Variants in MAPK10 observed in about 807,000 individuals in gnomAD.
MAPK10 encodes the protein JNK3 alpha protein kinase.
Under a neutral mutation model 59.3 loss-of-function variants are expected in MAPK10, and 25 were observed. The ratio of observed to expected loss-of-function variants is 0.42; its 90% confidence interval spans 0.31 to 0.59. The LOEUF is 0.59. Ranked by LOEUF, MAPK10 falls within the 20% of genes least tolerant of loss-of-function variation. The pLI is 0.15. For missense variants in MAPK10, 351 were observed against 568.9 expected (o/e 0.62, Z 3.90); for synonymous variants, 190 against 200.5 (o/e 0.95, Z 0.44).
At chr4:86,523,194 C>T (rs989023755) in intron 1 of MAPK10, among the ~76,000 whole-genome samples, 1 of 151,728 alleles carries the variant, frequency 6.6e-6, no homozygotes, top group Non-Finnish European at 1.5e-5. Flanking sequence ...TCAATATTCA[C>T]TCTTTCATTC....
Position 86,359,732 on chromosome 4 carries a change from A to T in MAPK10, c.-196T>A. 2 of 985,804 alleles carry T rather than the reference A, an allele frequency of 2.0e-6. No individual in the cohort carries two copies. The highest frequency in any genetic ancestry group is 9.4e-5 in the South Asian group (2 of 21,280). The allele number at this position is 985,804 out of a possible 1,614,324, so 61.1% of individuals were successfully genotyped here. On this transcript the variant is annotated 5_prime_UTR_variant, in exon 1 of 14. The change creates a premature stop within an existing upstream ORF in the 5' untranslated region. Transcript: ENST00000641462. ...AAATCCTCCCTACTTGTTTTTCATT[A>T]ACCACATTCCAGACTAACATGGAAG...
chr4:86,303,699 A>G (rs114978305), intron 2 of MAPK10, among the ~76,000 whole-genome samples: 1,524 of 152,324 alleles, frequency 0.01, 15 homozygotes, highest in African/African-American at 0.027. Flanking sequence ...ACTAAAAAAT[A>G]ATTTTCAAAA....
chr4:86,084,363 C>G (rs1240092093), intron 9 of MAPK10, among the ~76,000 whole-genome samples: 1 of 152,146 alleles, frequency 6.6e-6, no homozygotes, highest in African/African-American at 2.4e-5. Flanking sequence ...AAAGCAAAGA[C>G]TCCATCAAAA....
At chr4:86,080,077 A>C (rs569149693) in intron 9 of MAPK10, 2 of 152,082 alleles carry the variant, frequency 1.3e-5, no homozygotes, top group South Asian at 2.1e-4. Context: ...TACCCAGTAC[A>C]TAGTAGGTAC....
At chr4:86,350,154 C>A (rs896804051) in intron 2 of MAPK10, among the ~76,000 whole-genome samples, 1 of 151,196 alleles carries the variant, frequency 6.6e-6, no homozygotes, top group African/African-American at 2.4e-5. Flanking sequence ...CAGGTTCAAG[C>A]GATTCTCCTG....
chr4:86,150,462 A>G (rs1194227497), intron 4 of MAPK10, among the ~76,000 whole-genome samples: 3 of 152,214 alleles, frequency 2.0e-5, no homozygotes, highest in Non-Finnish European at 4.4e-5. Context: ...AATAAAAATA[A>G]TAATAATAAA....
intron 4 of MAPK10, among the ~76,000 whole-genome samples, chr4:86,143,218 G>T (rs1581193801): frequency 6.6e-6 from 1 of 152,086 alleles, no homozygotes; most frequent in Non-Finnish European, 1.5e-5. Context: ...ACAGCACGGG[G>T]GAAAATGTCC....
At chr4:86,585,747 G>C (rs112962991) in intron 1 of MAPK10, among the ~76,000 whole-genome samples, 7,101 of 152,166 alleles carry the variant, frequency 0.047, 224 homozygotes, top group African/African-American at 0.061. Flanking sequence ...TCTGGGTTTG[G>C]CTCTAGATTA....
At chr4:86,281,252 C>A (rs1421141627) in intron 2 of MAPK10, among the ~76,000 whole-genome samples, 1 of 152,088 alleles carries the variant, frequency 6.6e-6, no homozygotes, top group Non-Finnish European at 1.5e-5. Flanking sequence ...GGCCTGTAAT[C>A]CCAGCACTTT....
At chr4:86,405,098 A>C (rs1437154531) in intron 1 of MAPK10, among the ~76,000 whole-genome samples, 7 of 152,138 alleles carry the variant, frequency 4.6e-5, no homozygotes, top group Non-Finnish European at 4.4e-5. Context: ...ACTGTCTGCT[A>C]TCATGGTTTC....
intron 4 of MAPK10, 126 bp downstream of exon 4, chr4:86,159,172 G>GT (rs1329798586): frequency 1.5e-6 from 1 of 653,692 alleles, no homozygotes; most frequent in Non-Finnish European, 2.4e-6. Context: ...TTTTTCTTCA[G>GT]TAGGATTATT....
At chr4:86,117,547 CTA>C (rs1263053485) in intron 4 of MAPK10, 1 of 152,164 alleles carries the variant, frequency 6.6e-6, no homozygotes, top group Non-Finnish European at 1.5e-5. Context: ...TCTGACTCTT[CTA>C]TGTCATACCT....
chr4:86,119,319 G>A (rs569124624), intron 4 of MAPK10, among the ~76,000 whole-genome samples: 4 of 152,146 alleles, frequency 2.6e-5, no homozygotes, highest in South Asian at 2.1e-4. Flanking sequence ...AAAGCCAATA[G>A]GGCCGGGCGA....
At chr4:86,421,536 T>C (rs943599981) in intron 1 of MAPK10, among the ~76,000 whole-genome samples, 1 of 151,974 alleles carries the variant, frequency 6.6e-6, no homozygotes, top group Admixed American at 6.6e-5. Context: ...ATAGAGGAGG[T>C]AGCATCTGAG....
chr4:86,153,143 A>G lies in MAPK10; in HGVS notation c.236+6155T>C, dbSNP rs201024241. 4.6e-5 allele frequency among the ~76,000 whole-genome samples: 7 copies of G among 152,354 alleles called. No individual in the cohort carries two copies. In the East Asian group the frequency reaches 1.3e-3, roughly 29 times the overall value. On this transcript the variant is annotated intron_variant, in intron 4 of 13. Coordinates refer to ENST00000641462, the MANE Select transcript of MAPK10 (RefSeq NM_138982.4). ...GATGCCCTAAAAGACAAGTTCTAAA[A>G]AAAATAAGAACCAGCATCACTTAAC...
At chr4:86,132,185 T>C (rs1005764359) in intron 4 of MAPK10, among the ~76,000 whole-genome samples, 2 of 152,226 alleles carry the variant, frequency 1.3e-5, no homozygotes, top group African/African-American at 4.8e-5. Flanking sequence ...GTTAATAACC[T>C]AATTATTTAA....
At chr4:86,386,563 C>T (rs1741502740) in intron 1 of MAPK10, among the ~76,000 whole-genome samples, 1 of 151,974 alleles carries the variant, frequency 6.6e-6, no homozygotes, top group Non-Finnish European at 1.5e-5. Flanking sequence ...TGATATTTTG[C>T]TTCCATCTGC....
At chr4:86,542,472 G>A (rs1758787117) in intron 1 of MAPK10, 1 of 153,108 alleles carries the variant, frequency 6.5e-6, no homozygotes, top group Admixed American at 6.5e-5. Context: ...CTATTCAGGA[G>A]GCTGGGACAG....
intron 9 of MAPK10, among the ~76,000 whole-genome samples, chr4:86,068,866 C>T (rs111350050): frequency 6.6e-6 from 1 of 152,150 alleles, no homozygotes; most frequent in African/African-American, 2.4e-5. Context: ...ACCATCTACT[C>T]TGAAGAACCA....
Sources: gnomAD v4.1 joint callset for allele counts (sites outside exome capture counted in the v4.1 genomes callset) on GRCh38, gnomAD v4.1.1 for gene constraint, MANE v1.5 for transcripts, NCBI Gene and HGNC (gene_info 2026-07-23, HGNC 2026-07-21) for gene names.